DVL3: variants seen among roughly 807,000 people sequenced by gnomAD.
The protein encoded by DVL3 is segment polarity protein dishevelled homolog DVL-3.
DVL3 carries 27 observed loss-of-function variants against 67.4 expected under a neutral mutation model. That is an observed-to-expected ratio of 0.40 (90% CI 0.30 to 0.55). The LOEUF (loss-of-function observed/expected upper bound fraction) is 0.55. DVL3 is among the 20% of genes least tolerant of loss of function. The pLI is 0.46. For missense variants in DVL3, 819 were observed against 1,021.5 expected (o/e 0.80, Z 2.70); for synonymous variants, 369 against 396.8 (o/e 0.93, Z 0.83).
rs374084865 is a variant in DVL3 at position 184,172,947 on chromosome 3, A to G, written c.*2192A>G. 2.6e-5 allele frequency: 4 copies of G among 152,362 alleles called. No homozygotes were observed. In the East Asian group the frequency reaches 7.7e-4, roughly 29 times the overall value. The allele number at this position is 152,362 out of a possible 1,614,324, so 9.4% of individuals were successfully genotyped here. ...CTTGAGAATTTCTCAACGATTGCTCATGCCTGTCAGTATCAGTGCTTCCAT... is the reference window on the plus strand; with the variant it reads ...CTTGAGAATTTCTCAACGATTGCTCGTGCCTGTCAGTATCAGTGCTTCCAT... On this transcript the variant is annotated 3_prime_UTR_variant, in exon 15 of 15. Transcript: ENST00000313143.
intron 13 of DVL3, among the ~76,000 whole-genome samples, chr3:184,169,610 C>T (rs1560120588): frequency 1.3e-5 from 2 of 152,124 alleles, no homozygotes; most frequent in Non-Finnish European, 2.9e-5. Context: ...ATCGCTTAAA[C>T]CAGGGAGGAA....
rs1714581625 is a variant in DVL3 at position 184,166,273 on chromosome 3, T to A, written c.903+8T>A. The A allele has an allele frequency of 1.2e-6, 2 of 1,612,168 alleles. No individual in the cohort carries two copies. Among genetic ancestry groups the A allele is most frequent in the Non-Finnish European group, 8.5e-7 (1 of 1,179,190 alleles). The stretch of plus-strand genomic sequence containing the variant: ...GGAGATATGTTGTTACAGGTATCAG[T>A]GCCCATCCTAGGCGGTGGTGTGGAT... On this transcript the variant is annotated splice_region_variant and intron_variant, in intron 8 of 14. Coordinates refer to ENST00000313143, the MANE Select transcript of DVL3 (RefSeq NM_004423.4). The surrounding 1 kb of genome is among the most constrained non-coding windows in gnomAD (Gnocchi z 6.7).
chr3:184,156,592 C>CT, intron 1 of DVL3: 2 of 403,602 alleles, frequency 5.0e-6, no homozygotes, highest in South Asian at 3.6e-5. Flanking sequence ...GGGGTCTTCC[C>CT]TTCCACCCAG....
Position 184,155,686 on chromosome 3 carries a change from C to A in DVL3, c.51C>A (p.Tyr17Ter). The part of the protein sequence containing the change: ...IYHLDGQETP[Y>*]LVKLPLPAER... Reference sequence around the variant, plus strand: ...ACTTGGATGGGCAGGAGACGCCGTACCTTGTGAAGCTGCCCCTGCCCGCCG... The same window carrying A: ...ACTTGGATGGGCAGGAGACGCCGTAACTTGTGAAGCTGCCCCTGCCCGCCG... The change falls in exon 1 of 15, where the codon TAC becomes TAA. Residue 17 changes from tyrosine (Y) to a stop codon, truncating the protein, a stop_gained. Transcript: ENST00000313143. LOFTEE classifies it high-confidence loss of function. This position sits in a 1 kb window ranked among gnomAD's most constrained non-coding sequence, Gnocchi z 5.4. The A allele has an allele frequency of 6.2e-7, 1 of 1,612,576 alleles. No homozygotes were observed. The highest frequency in any genetic ancestry group is 8.5e-7 in the Non-Finnish European group (1 of 1,179,658).
At position 184,165,053 on chromosome 3, in the gene DVL3, C is replaced by T. The variant is rs1237816622; in HGVS notation, c.600-60C>T. On this transcript the variant is annotated intron_variant, in intron 5 of 14. Coordinates refer to ENST00000313143, the MANE Select transcript of DVL3 (RefSeq NM_004423.4). The surrounding 1 kb of genome is among the most constrained non-coding windows in gnomAD (Gnocchi z 4.1). ...TGTTGGGGACCCAGGCCCTGCAGTG[C>T]CTCCCCTCATGGGGGCAGGGCTGGG... 2.5e-6 allele frequency: 4 copies of T among 1,609,306 alleles called. No individual in the cohort carries two copies. The South Asian group carries it at 4.4e-5, about 18-fold the overall frequency.
Position 184,166,781 on chromosome 3 carries a change from C to T in DVL3, c.1049-45C>T. ...CCCATATCTATCCTGTTGGGCCCAGCAGTGGGTGGGGTGGGTAGCCCATGA... is the reference window on the plus strand; with the variant it reads ...CCCATATCTATCCTGTTGGGCCCAGTAGTGGGTGGGGTGGGTAGCCCATGA... On this transcript the variant is annotated intron_variant, in intron 10 of 14. Coordinates refer to ENST00000313143, the MANE Select transcript of DVL3 (RefSeq NM_004423.4). The surrounding 1 kb of genome is among the most constrained non-coding windows in gnomAD (Gnocchi z 6.7). 1 of 1,613,496 alleles carries T rather than the reference C, an allele frequency of 6.2e-7. No individual in the cohort carries two copies. The highest frequency in any genetic ancestry group is 8.5e-7 in the Non-Finnish European group (1 of 1,179,610).
chr3:184,169,266 T>G (rs1394855883), intron 13 of DVL3, among the ~76,000 whole-genome samples: 1 of 152,276 alleles, frequency 6.6e-6, no homozygotes, highest in African/African-American at 2.4e-5. Flanking sequence ...TAGTTTAGGC[T>G]GAGCTGAAGG....
Position 184,170,834 on chromosome 3 carries a change from CTT to C in DVL3, c.*81_*82del. 2 of 1,578,214 alleles carry C rather than the reference CTT, an allele frequency of 1.3e-6. No homozygotes were observed. The highest frequency in any genetic ancestry group is 2.3e-5 in the South Asian group (2 of 87,306). ...TCTCTCCATCCGTCCGTCTTTTTTA[CTT>C]TGTCTGGTACCTGAAAGGGAAATAA... On this transcript the variant is annotated 3_prime_UTR_variant, in exon 15 of 15. Transcript: ENST00000313143. This position sits in a 1 kb window ranked among gnomAD's most constrained non-coding sequence, Gnocchi z 6.5.
chr3:184,160,706 G>T (rs929660648), intron 1 of DVL3, among the ~76,000 whole-genome samples: 11 of 152,222 alleles, frequency 7.2e-5, no homozygotes, highest in African/African-American at 2.7e-4. Context: ...GAAACGTGTA[G>T]TGTGGAGCAG....
In DVL3 at chr3:184,164,916, A is replaced by T; in HGVS notation, c.584A>T (p.Asp195Val). The T allele has an allele frequency of 1.2e-6, 2 of 1,614,174 alleles. No individual in the cohort carries two copies. Among genetic ancestry groups the T allele is most frequent in the Non-Finnish European group, 1.7e-6 (2 of 1,180,022 alleles). The change falls in exon 5 of 15, where the codon GAT (aspartate) becomes GTT (valine). Residue 195 changes from aspartate to valine, a missense_variant. Around this residue, in one of 3 missense-constraint regions of DVL3, gnomAD observed 385 missense variants for 486.8 expected, o/e 0.79. Coordinates refer to ENST00000313143, the MANE Select transcript of DVL3 (RefSeq NM_004423.4). This position sits in a 1 kb window ranked among gnomAD's most constrained non-coding sequence, Gnocchi z 5.3. ...ETTSFFDSDE[D>V]DSTSRFSSST... ...ACCAGCTTCTTTGACTCAGATGAGG[A>T]TGACTCCACCAGCAGGTGGGGCTTG...
In DVL3 at chr3:184,155,414, C is replaced by A; in HGVS notation, c.-222C>A. On this transcript the variant is annotated 5_prime_UTR_variant, in exon 1 of 15. Transcript: ENST00000313143. The surrounding 1 kb of genome is among the most constrained non-coding windows in gnomAD (Gnocchi z 5.4). ...CCGCGGCCACCGGAAGAGTCGCGGT[C>A]GCCAGTCCAGTCGGGAGAGTGGGGA... 1 of 154,050 alleles carries A rather than the reference C, an allele frequency of 6.5e-6. No homozygotes were observed. Among genetic ancestry groups the A allele is most frequent in the South Asian group, 1.8e-4 (1 of 5,478 alleles). The allele number at this position is 154,050 out of a possible 1,614,324, so 9.5% of individuals were successfully genotyped here. A position where few individuals can be genotyped will look rare whatever the true frequency, so the allele number is the denominator to read the frequency against.
chr3:184,170,503 C>A lies in DVL3; in HGVS notation c.1899C>A (p.Ser633Arg), dbSNP rs1347037199. ...CAGGGCCGGCGGCCAGCGAGCACAG[C>A]CACCGCAGCCACCATTCCCTGGCCA... ...ERSGPAASEH[S>R]HRSHHSLASS... The change falls in exon 15 of 15, where the codon AGC becomes AGA. Residue 633 changes from serine to arginine, a missense_variant. Ser to Arg is a moderately radical substitution (Grantham distance 110). Around this residue, in one of 3 missense-constraint regions of DVL3, gnomAD observed 324 missense variants for 331.3 expected, o/e 0.98. Coordinates refer to ENST00000313143, the MANE Select transcript of DVL3 (RefSeq NM_004423.4). The surrounding 1 kb of genome is among the most constrained non-coding windows in gnomAD (Gnocchi z 6.5). 3 of 1,602,568 alleles carry A rather than the reference C, an allele frequency of 1.9e-6. No homozygotes were observed. The highest frequency in any genetic ancestry group is 1.7e-5 in the Admixed American group (1 of 58,464).
Position 184,170,107 on chromosome 3 carries a change from A to C in DVL3, c.1600A>C (p.Met534Leu). 1 of 1,613,884 alleles carries C rather than the reference A, an allele frequency of 6.2e-7. No individual in the cohort carries two copies. Among genetic ancestry groups the C allele is most frequent in the Non-Finnish European group, 8.5e-7 (1 of 1,179,960 alleles). The change falls in exon 14 of 15, where the codon ATG becomes CTG. Residue 534 changes from methionine to leucine, a missense_variant. Coordinates refer to ENST00000313143, the MANE Select transcript of DVL3 (RefSeq NM_004423.4). This position sits in a 1 kb window ranked among gnomAD's most constrained non-coding sequence, Gnocchi z 6.5. ...LPHPGAAPWP[M>L]AFPYQYPPPP... ...GCACCCGGGGGCCGCCCCTTGGCCC[A>C]TGGCTTTCCCGTACCAGTACCCGCC...
chr3:184,165,588 AG>A lies in DVL3; in HGVS notation c.763+99del, dbSNP rs1714555743. ...GCGTAGAATATGTTCCCTGCCCTCA[AG>A]GAGCTCTCTTTCGTAAACATCAGCT... On this transcript the variant is annotated intron_variant, in intron 7 of 14. Coordinates refer to ENST00000313143, the MANE Select transcript of DVL3 (RefSeq NM_004423.4). The surrounding 1 kb of genome is among the most constrained non-coding windows in gnomAD (Gnocchi z 4.1). The A allele has an allele frequency of 1.9e-6, 2 of 1,077,596 alleles. No homozygotes were observed. The highest frequency in any genetic ancestry group is 2.8e-6 in the Non-Finnish European group (2 of 707,214). The allele number at this position is 1,077,596 out of a possible 1,614,324, so 66.8% of individuals were successfully genotyped here.
At chr3:184,162,791 T>C (rs1714429239) in intron 1 of DVL3, among the ~76,000 whole-genome samples, 1 of 152,106 alleles carries the variant, frequency 6.6e-6, no homozygotes, top group Admixed American at 6.6e-5. Context: ...CTTTCCTATA[T>C]AATAACAGAG....
Position 184,166,356 on chromosome 3 carries a change from G to A in DVL3, c.904-90G>A. On this transcript the variant is annotated intron_variant, in intron 8 of 14. Coordinates refer to ENST00000313143, the MANE Select transcript of DVL3 (RefSeq NM_004423.4). This position sits in a 1 kb window ranked among gnomAD's most constrained non-coding sequence, Gnocchi z 6.7. ...CTGCTCCTTCAGAGGCCCCTTCTTGGTTGGGGGAAGACTCCCTGACCTACC... is the reference window on the plus strand; with the variant it reads ...CTGCTCCTTCAGAGGCCCCTTCTTGATTGGGGGAAGACTCCCTGACCTACC... 1.9e-6 allele frequency: 3 copies of A among 1,608,566 alleles called. No individual in the cohort carries two copies. The highest frequency in any genetic ancestry group is 2.6e-6 in the Non-Finnish European group (3 of 1,176,018).
chr3:184,166,522 G>C lies in DVL3; in HGVS notation c.980G>C (p.Gly327Ala). Residue 327 changes from glycine to alanine, a missense_variant and splice_region_variant, in exon 9 of 15, where the codon GGG becomes GCG. This residue lies in a region of DVL3 where 385 missense variants were observed against 486.8 expected (regional missense o/e 0.79). Coordinates refer to ENST00000313143, the MANE Select transcript of DVL3 (RefSeq NM_004423.4). This position sits in a 1 kb window ranked among gnomAD's most constrained non-coding sequence, Gnocchi z 6.7. ...RVLREIVHKPGPITLTVAKCW... is the reference protein window; with the variant it reads ...RVLREIVHKPAPITLTVAKCW... ...CTGCGGGAGATTGTGCACAAACCGG[G>C]GTATGGATGGAATGGGGCACTGGGC... 6.2e-7 allele frequency: 1 copy of C among 1,614,120 alleles called. No homozygotes were observed. Among genetic ancestry groups the C allele is most frequent in the South Asian group, 1.1e-5 (1 of 91,080 alleles).
intron 13 of DVL3, among the ~76,000 whole-genome samples, chr3:184,169,410 G>A (rs912129947): frequency 6.6e-6 from 1 of 152,176 alleles, no homozygotes; most frequent in East Asian, 1.9e-4. Context: ...TAAGAGTTTT[G>A]CAGGCCGGGC....
In DVL3 at chr3:184,170,087, CG is replaced by C. The variant is rs869025215; in HGVS notation, c.1585del (p.Ala529ProfsTer139). ...DQDTLAPLPH[P>X]GAAPWPMAFP... ...GACACACTGGCCCCTTTGCCGCACC[CG>C]GGGGCCGCCCCTTGGCCCATGGCTT... is the stretch of plus-strand genomic sequence containing the variant. On this transcript the variant is annotated frameshift_variant, in exon 14 of 15. Coordinates refer to ENST00000313143, the MANE Select transcript of DVL3 (RefSeq NM_004423.4). LOFTEE classifies it high-confidence loss of function. The surrounding 1 kb of genome is among the most constrained non-coding windows in gnomAD (Gnocchi z 6.5). 1 of 1,613,978 alleles carries C rather than the reference CG, an allele frequency of 6.2e-7. No individual in the cohort carries two copies. The highest frequency in any genetic ancestry group is 8.5e-7 in the Non-Finnish European group (1 of 1,179,944).
Sources: gnomAD v4.1 joint callset for allele counts (sites outside exome capture counted in the v4.1 genomes callset) on GRCh38, gnomAD v4.1.1 for gene constraint, gnomAD v4.1.1 regional missense constraint, Gnocchi (gnomAD v3.1) non-coding constraint, MANE v1.5 for transcripts, NCBI Gene and HGNC (gene_info 2026-07-23, HGNC 2026-07-21) for gene names.